The following CNBD1 variants were observed in gnomAD, a reference collection of about 807,000 sequenced individuals.
The protein encoded by CNBD1 is cyclic nucleotide binding domain containing 1, also known as cyclic nucleotide-binding domain-containing protein 1.
In CNBD1, 71 loss-of-function variants were observed where a neutral mutation model predicts 54.4. The observed-to-expected ratio is 1.30, with a 90% CI of 1.08 to 1.59. CNBD1 has a LOEUF of 1.59. Ranked by LOEUF, CNBD1 falls within the 40% of genes most tolerant of loss-of-function variation. The pLI, the probability that CNBD1 is intolerant of heterozygous loss-of-function variation, is 0.00. For synonymous variants in CNBD1, 182 were observed against 170.7 expected, an observed-to-expected ratio of 1.07 and a Z score of -0.51; for missense variants, 659 against 518.0, an observed-to-expected ratio of 1.27 and a Z score of -2.64.
chr8:86,959,601 A>G (rs1426478831), intron 4 of CNBD1, among the ~76,000 whole-genome samples: 1 of 151,960 alleles, frequency 6.6e-6, no homozygotes, highest in Non-Finnish European at 1.5e-5. Flanking sequence ...CATTGATTTG[A>G]TCTTCAGTCA....
chr8:87,404,576 G>C (rs190947282), intron 2 of CNBD1, among the ~76,000 whole-genome samples: 1 of 152,028 alleles, frequency 6.6e-6, no homozygotes, highest in Non-Finnish European at 1.5e-5. Flanking sequence ...GGTCAAATTA[G>C]TGCTAAATTT....
intron 4 of CNBD1, among the ~76,000 whole-genome samples, chr8:87,158,896 C>A (rs969561550): frequency 6.6e-6 from 1 of 152,118 alleles, no homozygotes; most frequent in Non-Finnish European, 1.5e-5. Flanking sequence ...CGACATCATG[C>A]AGAAAATAAC....
chr8:87,318,852 T>C (rs560445752), intron 8 of CNBD1, among the ~76,000 whole-genome samples: 1 of 152,066 alleles, frequency 6.6e-6, no homozygotes, highest in Non-Finnish European at 1.5e-5. Flanking sequence ...AATCACACCT[T>C]AGCATACTCT....
At chr8:86,961,758 T>C (rs1807934178) in intron 4 of CNBD1, among the ~76,000 whole-genome samples, 1 of 152,232 alleles carries the variant, frequency 6.6e-6, no homozygotes, top group South Asian at 2.1e-4. Flanking sequence ...TCCACCAGAG[T>C]GACAGCCATG....
intron 10 of CNBD1, among the ~76,000 whole-genome samples, chr8:87,370,215 T>A (rs1305992620): frequency 6.6e-6 from 1 of 152,026 alleles, no homozygotes; most frequent in Non-Finnish European, 1.5e-5. Context: ...TATAGCAGCA[T>A]GATTTGTAGT....
chr8:86,966,681 T>C (rs1172912375), intron 4 of CNBD1, among the ~76,000 whole-genome samples: 1 of 152,060 alleles, frequency 6.6e-6, no homozygotes, highest in Non-Finnish European at 1.5e-5. Context: ...AGTTGTTAGT[T>C]CCTCCGGATA....
At position 87,122,723 on chromosome 8, in the gene CNBD1, G is replaced by A. The variant is rs542996560; in HGVS notation, c.432-83270G>A. ...TATTTAAGTCATTAATCCATTTTGA[G>A]TTGACTTTTATATAAGGGGTGAGAT... On this transcript the variant is annotated intron_variant, in intron 4 of 10. Coordinates refer to ENST00000518476, the MANE Select transcript of CNBD1 (RefSeq NM_173538.3). Among the ~76,000 whole-genome samples the A allele has an allele frequency of 8.6e-5, 13 of 151,904 alleles. 1 individual carries two copies. The South Asian group carries it at 2.7e-3, about 32-fold the overall frequency.
At chr8:87,152,125 A>G (rs2130749710) in intron 4 of CNBD1, among the ~76,000 whole-genome samples, 1 of 152,248 alleles carries the variant, frequency 6.6e-6, no homozygotes, top group African/African-American at 2.4e-5. Context: ...CTGGCATTAT[A>G]ATATTTATTT....
chr8:86,891,170 A>G (rs2131792597), intron 2 of CNBD1, among the ~76,000 whole-genome samples: 1 of 152,128 alleles, frequency 6.6e-6, no homozygotes, highest in South Asian at 2.1e-4. Flanking sequence ...TGCTTAGACC[A>G]ATGTCATGGA....
At chr8:86,915,872 G>A (rs1033552208) in intron 3 of CNBD1, among the ~76,000 whole-genome samples, 16 of 152,110 alleles carry the variant, frequency 1.1e-4, no homozygotes, top group Non-Finnish European at 1.3e-4. Context: ...TAAAATGCTC[G>A]GGTAGATGAC....
intron 4 of CNBD1, among the ~76,000 whole-genome samples, chr8:87,033,293 TG>T (rs1809834090): frequency 6.6e-6 from 1 of 152,170 alleles, no homozygotes; most frequent in African/African-American, 2.4e-5. Flanking sequence ...ACATTGTGTT[TG>T]GGGGCAAGTA....
intron 4 of CNBD1, among the ~76,000 whole-genome samples, chr8:86,975,677 C>G (rs1808325668): frequency 6.6e-6 from 1 of 152,006 alleles, no homozygotes; most frequent in South Asian, 2.1e-4. Flanking sequence ...GTGAATAATG[C>G]TGCAATGAAT....
chr8:87,385,137 G>T (rs948643829), downstream of CNBD1, among the ~76,000 whole-genome samples: 3 of 152,070 alleles, frequency 2.0e-5, no homozygotes, highest in Non-Finnish European at 2.9e-5. Context: ...TAATGATGGG[G>T]GTGGAGCCAA....
At chr8:87,069,343 A>G (rs1183556670) in intron 4 of CNBD1, among the ~76,000 whole-genome samples, 8 of 152,094 alleles carry the variant, frequency 5.3e-5, no homozygotes, top group African/African-American at 1.9e-4. Flanking sequence ...GATCAATGAC[A>G]GGCTGCATAT....
At position 87,280,452 on chromosome 8, in the gene CNBD1, C is replaced by T. The variant is rs143091550; in HGVS notation, c.772-4226C>T. On this transcript the variant is annotated intron_variant, in intron 6 of 10. Coordinates refer to ENST00000518476, the MANE Select transcript of CNBD1 (RefSeq NM_173538.3). ...GAAGTTCAAGAAGTTCATCTATTGACGAGATTATGAGTGCCTGATCTTTGT... is the reference window on the plus strand; with the variant it reads ...GAAGTTCAAGAAGTTCATCTATTGATGAGATTATGAGTGCCTGATCTTTGT... Among the ~76,000 whole-genome samples the T allele has an allele frequency of 8.3e-3, 1,264 of 151,430 alleles. 4 individuals are homozygous for T. The highest frequency in any genetic ancestry group is 0.014 in the Non-Finnish European group (941 of 67,576).
At chr8:87,158,100 A>T (rs193196684) in intron 4 of CNBD1, among the ~76,000 whole-genome samples, 1 of 152,282 alleles carries the variant, frequency 6.6e-6, no homozygotes, top group Non-Finnish European at 1.5e-5. Context: ...AAAGTGCATA[A>T]GACAGTGTCT....
chr8:87,380,033 A>G (rs1254215830), intron 10 of CNBD1, among the ~76,000 whole-genome samples: 1 of 151,852 alleles, frequency 6.6e-6, no homozygotes, highest in East Asian at 1.9e-4. Context: ...GGTTTTAGAT[A>G]ATGCAAGACA....
chr8:87,340,236 TCTG>T (rs1385467975), intron 8 of CNBD1, among the ~76,000 whole-genome samples: 3 of 152,226 alleles, frequency 2.0e-5, no homozygotes, highest in African/African-American at 7.2e-5. Context: ...TGCTGAGAAA[TCTG>T]CTGATGGTCG....
chr8:86,967,532 C>T (rs1199909885), intron 4 of CNBD1, among the ~76,000 whole-genome samples: 1 of 152,214 alleles, frequency 6.6e-6, no homozygotes, highest in Non-Finnish European at 1.5e-5. Flanking sequence ...ATGTCTTCTG[C>T]CATCAATGTC....
Sources: gnomAD v4.1 joint callset for allele counts (sites outside exome capture counted in the v4.1 genomes callset) on GRCh38, gnomAD v4.1.1 for gene constraint, MANE v1.5 for transcripts, NCBI Gene and HGNC (gene_info 2026-07-23, HGNC 2026-07-21) for gene names.